The following ROBO1 variants were observed in gnomAD, a reference collection of about 807,000 sequenced individuals.
ROBO1 encodes roundabout homolog 1.
Under a neutral mutation model 195.9 loss-of-function variants are expected in ROBO1, and 149 were observed. That is an observed-to-expected ratio of 0.76 (90% confidence interval 0.67 to 0.87). The LOEUF (loss-of-function observed/expected upper bound fraction) is 0.87, where lower values mean the gene tolerates loss of function less well. Ranked by LOEUF, ROBO1 falls within the 40% of genes least tolerant of loss-of-function variation. The pLI, the probability that ROBO1 is intolerant of heterozygous loss-of-function variation, is 0.00. For missense variants in ROBO1, 1,933 were observed against 2,068.3 expected (o/e 0.93, Z 1.27); for synonymous variants, 816 against 733.2 (o/e 1.11, Z -1.82).
At chr3:78,610,865 C>A (rs1427565211) in intron 28 of ROBO1, among the ~76,000 whole-genome samples, 1 of 152,074 alleles carries the variant, frequency 6.6e-6, no homozygotes, top group Admixed American at 6.5e-5. Flanking sequence ...TAAATTCTTT[C>A]TTAGGTATTA....
intron 2 of ROBO1, among the ~76,000 whole-genome samples, chr3:79,520,642 C>T (rs1472123418): frequency 6.6e-6 from 1 of 152,028 alleles, no homozygotes; most frequent in African/African-American, 2.4e-5. Flanking sequence ...TCTTATGAGA[C>T]AGCTTTTTAA....
At chr3:79,328,848 C>T (rs1262326914) in intron 2 of ROBO1, among the ~76,000 whole-genome samples, 1 of 151,842 alleles carries the variant, frequency 6.6e-6, no homozygotes, top group Non-Finnish European at 1.5e-5. Context: ...CATTCTAATG[C>T]CTTTGTGTCC....
chr3:79,551,596 G>T (rs1266250548), intron 2 of ROBO1, among the ~76,000 whole-genome samples: 4 of 151,728 alleles, frequency 2.6e-5, no homozygotes, highest in Non-Finnish European at 4.4e-5. Context: ...GCTGTGAATG[G>T]GAAGAAAGAA....
In ROBO1 at chr3:78,789,616, T is replaced by C. The variant is rs548109608; in HGVS notation, c.500-42716A>G. Among the ~76,000 whole-genome samples the C allele has an allele frequency of 7.9e-5, 12 of 152,334 alleles. No homozygotes were observed. In the East Asian group the frequency reaches 1.5e-3, roughly 20 times the overall value. On this transcript the variant is annotated intron_variant, in intron 4 of 30. Coordinates refer to ENST00000464233, the MANE Select transcript of ROBO1 (RefSeq NM_002941.4). ...TAGGGGGAAATTATGAATGATCTAC[T>C]CTTTACCTTCAATCTCTTTCACACT...
At chr3:79,513,202 A>C (rs1940793115) in intron 2 of ROBO1, among the ~76,000 whole-genome samples, 1 of 152,158 alleles carries the variant, frequency 6.6e-6, no homozygotes, top group Admixed American at 6.6e-5. Context: ...GATCTGTGGA[A>C]CTTTCAGTCT....
intron 1 of ROBO1, among the ~76,000 whole-genome samples, chr3:79,717,195 C>A (rs1227996397): frequency 1.4e-5 from 2 of 144,098 alleles, no homozygotes; most frequent in Admixed American, 6.8e-5. Context: ...TGTTTGAAAT[C>A]TTCTCAATAA....
chr3:79,417,345 G>A (rs1192037200), intron 2 of ROBO1, among the ~76,000 whole-genome samples: 1 of 152,042 alleles, frequency 6.6e-6, no homozygotes, highest in Non-Finnish European at 1.5e-5. Context: ...TAACCAGAAG[G>A]GAACTGATGT....
intron 2 of ROBO1, among the ~76,000 whole-genome samples, chr3:79,528,943 T>C (rs562120372): frequency 6.6e-6 from 1 of 152,348 alleles, no homozygotes; most frequent in South Asian, 2.1e-4. Flanking sequence ...ATTGCATCTA[T>C]AGACACATAA....
Position 78,651,751 on chromosome 3 carries a change from G to C in ROBO1, c.2793C>G (p.Thr931=). Residue 931 remains threonine, a synonymous_variant, in exon 19 of 31, where the codon ACC becomes ACG. Transcript: ENST00000464233. The part of the protein sequence containing the change: ...HRKKRNGLTS[T]YAGIRKVPSF... ...TAATACCTTTTCTGATACCCGCGTAGGTACTAGTAAGTCCGTTTCTCTTCT... is the reference window on the plus strand; with the variant it reads ...TAATACCTTTTCTGATACCCGCGTACGTACTAGTAAGTCCGTTTCTCTTCT... 1 of 1,608,824 alleles carries C rather than the reference G, an allele frequency of 6.2e-7. No homozygotes were observed. Among genetic ancestry groups the C allele is most frequent in the Non-Finnish European group, 8.5e-7 (1 of 1,177,592 alleles).
At chr3:78,926,409 A>G (rs1474824870) in intron 4 of ROBO1, among the ~76,000 whole-genome samples, 2 of 152,198 alleles carry the variant, frequency 1.3e-5, no homozygotes, top group Non-Finnish European at 2.9e-5. Context: ...ATAAGTGGGA[A>G]AATACTGAAG....
intron 10 of ROBO1, 86 bp from the exon 11 acceptor site, chr3:78,670,387 T>C (rs1163757898): frequency 1.8e-6 from 2 of 1,095,170 alleles, no homozygotes; most frequent in Non-Finnish European, 2.6e-6. Flanking sequence ...TTCTAGGCTT[T>C]GAAACAAACT....
chr3:79,690,194 C>A lies in ROBO1; in HGVS notation c.-51+77558G>T, dbSNP rs78328299. 7.0e-3 allele frequency among the ~76,000 whole-genome samples: 1,065 copies of A among 152,006 alleles called. 6 individuals carry two copies. Among genetic ancestry groups the A allele is most frequent in the African/African-American group, 0.018 (754 of 41,502 alleles). ...TCCACAGAACCTTGTAAATATACTA[C>A]CTCATATGGAAAAAAAGATTTCCAG... On this transcript the variant is annotated intron_variant, in intron 1 of 30. Transcript: ENST00000464233.
chr3:78,797,308 C>A (rs2084213834), intron 4 of ROBO1, among the ~76,000 whole-genome samples: 1 of 152,216 alleles, frequency 6.6e-6, no homozygotes, highest in African/African-American at 2.4e-5. Context: ...GAACAACTAT[C>A]AGATTGCACT....
intron 2 of ROBO1, among the ~76,000 whole-genome samples, chr3:79,373,327 C>G (rs2036268508): frequency 6.6e-6 from 1 of 151,788 alleles, no homozygotes; most frequent in South Asian, 2.1e-4. Context: ...GAGGGGGTTC[C>G]TTGTCTACCC....
In ROBO1 at chr3:79,111,649, T is replaced by C. The variant is rs377408435; in HGVS notation, c.172+13807A>G. 4.9e-4 allele frequency among the ~76,000 whole-genome samples: 74 copies of C among 152,292 alleles called. 1 individual carries two copies. The South Asian group carries it at 0.015, about 32-fold the overall frequency. ...GGCTTACTAGCCTTCTAATAACTTA[T>C]ATCAACAGAAACCTGGACAATATCT... is the stretch of plus-strand genomic sequence containing the variant. On this transcript the variant is annotated intron_variant, in intron 3 of 30. Coordinates refer to ENST00000464233, the MANE Select transcript of ROBO1 (RefSeq NM_002941.4).
chr3:79,425,748 CA>C, intron 2 of ROBO1, among the ~76,000 whole-genome samples: 1 of 151,626 alleles, frequency 6.6e-6, no homozygotes, highest in East Asian at 1.9e-4. Context: ...CACACATACT[CA>C]AAAAAATGTA....
intron 4 of ROBO1, among the ~76,000 whole-genome samples, chr3:78,757,691 G>GT (rs2082974029): frequency 6.6e-6 from 1 of 152,100 alleles, no homozygotes; most frequent in African/African-American, 2.4e-5. Flanking sequence ...TCCCACCAAT[G>GT]TATCTTTGTG....
At chr3:78,944,785 G>A (rs2040328634) in intron 3 of ROBO1, among the ~76,000 whole-genome samples, 1 of 152,178 alleles carries the variant, frequency 6.6e-6, no homozygotes, top group South Asian at 2.1e-4. Flanking sequence ...GTGACAGATG[G>A]CACCTGGAAA....
intron 4 of ROBO1, among the ~76,000 whole-genome samples, chr3:78,852,981 G>C (rs2034167661): frequency 6.6e-6 from 1 of 152,130 alleles, no homozygotes; most frequent in Admixed American, 6.6e-5. Flanking sequence ...ATTAAAAACT[G>C]TCTGGGCCAA....
Sources: allele counts gnomAD v4.1 joint callset (sites outside exome capture counted in the v4.1 genomes callset), GRCh38; gene constraint gnomAD v4.1.1; transcripts MANE v1.5; gene names NCBI Gene and HGNC (gene_info 2026-07-23, HGNC 2026-07-21).